ELF1: variants seen among roughly 807,000 people sequenced by gnomAD.
The protein encoded by ELF1 is E74 like ETS transcription factor 1.
A neutral mutation model predicts 59.9 loss-of-function variants in ELF1; 24 were observed. That is an observed-to-expected ratio of 0.40 (90% CI 0.29 to 0.56). The LOEUF (loss-of-function observed/expected upper bound fraction) is 0.56, where lower values mean the gene tolerates loss of function less well. Among genes scored for constraint, ELF1 ranks in the 20% least tolerant of loss-of-function variants. The probability of loss-of-function intolerance (pLI) is 0.44; values close to 1 mark genes in which losing one functional copy is unlikely to be tolerated. For synonymous variants in ELF1, 248 were observed against 266.2 expected, an observed-to-expected ratio of 0.93 and a Z score of 0.67; for missense variants, 627 against 742.2, an observed-to-expected ratio of 0.84 and a Z score of 1.80.
intron 2 of ELF1, among the ~76,000 whole-genome samples, chr13:40,967,263 A>G (rs1433702236): frequency 2.0e-5 from 3 of 152,226 alleles, no homozygotes; most frequent in Non-Finnish European, 4.4e-5. Context: ...CAGCAAATGC[A>G]CTACATACAC....
intron 8 of ELF1, among the ~76,000 whole-genome samples, chr13:40,936,204 A>C (rs1869760561): frequency 6.6e-6 from 1 of 152,180 alleles, no homozygotes; most frequent in Non-Finnish European, 1.5e-5. Flanking sequence ...TGCAGAGCCG[A>C]TGTGCCGCCT....
chr13:41,051,163 A>G (rs1456278666), intron 1 of ELF1, among the ~76,000 whole-genome samples: 1 of 152,168 alleles, frequency 6.6e-6, no homozygotes, highest in Non-Finnish European at 1.5e-5. Flanking sequence ...TTTTAAAAGT[A>G]GCACTTTAAG....
In ELF1 at chr13:41,055,133, C is replaced by T. The variant is rs141992977; in HGVS notation, c.-229+5705G>A. Among the ~76,000 whole-genome samples the T allele has an allele frequency of 5.2e-3, 797 of 152,212 alleles. 20 individuals carry two copies. The highest frequency in any genetic ancestry group is 1.7e-3 in the East Asian group (9 of 5,182). ...TACACTCCTGACAGTGGTCTGTGAG[C>T]GGGAGGAGGATATGTCCCCAGACAC... is the stretch of plus-strand genomic sequence containing the variant. On this transcript the variant is annotated intron_variant, in intron 1 of 1. Coordinates refer to the ELF1 transcript ENST00000405737.
intron 1 of ELF1, among the ~76,000 whole-genome samples, chr13:41,008,731 T>G (rs1210396926): frequency 1.3e-5 from 2 of 152,178 alleles, no homozygotes; most frequent in Non-Finnish European, 2.9e-5. Context: ...TCAAAGAATA[T>G]CCACAATTAT....
At chr13:40,942,393 G>T (rs531863170) in intron 7 of ELF1, among the ~76,000 whole-genome samples, 1 of 152,048 alleles carries the variant, frequency 6.6e-6, no homozygotes, top group Non-Finnish European at 1.5e-5. Context: ...ACCGAAAAAC[G>T]AACTAAAAGT....
chr13:41,041,294 C>T (rs1328369133), intron 1 of ELF1, among the ~76,000 whole-genome samples: 8 of 151,478 alleles, frequency 5.3e-5, no homozygotes, highest in Non-Finnish European at 1.0e-4. Flanking sequence ...TTACACCATC[C>T]GAACTGTATA....
intron 1 of ELF1, among the ~76,000 whole-genome samples, chr13:41,006,534 C>A (rs1874770027): frequency 6.6e-6 from 1 of 152,128 alleles, no homozygotes; most frequent in African/African-American, 2.4e-5. Context: ...ACACAGTTAA[C>A]GATGTGTAAC....
intron 2 of ELF1, among the ~76,000 whole-genome samples, chr13:40,967,889 T>G (rs566100265): frequency 1.1e-3 from 166 of 152,122 alleles, no homozygotes; most frequent in African/African-American, 3.9e-3. Flanking sequence ...CACCATGCCT[T>G]GTCCTTTTTG....
chr13:41,015,957 C>T (rs1269093758), intron 1 of ELF1, among the ~76,000 whole-genome samples: 2 of 152,108 alleles, frequency 1.3e-5, no homozygotes, highest in East Asian at 3.8e-4. Context: ...TCTCAAACAG[C>T]GTATATTCTT....
At chr13:41,051,202 TG>T (rs1468156190) in intron 1 of ELF1, among the ~76,000 whole-genome samples, 1 of 151,848 alleles carries the variant, frequency 6.6e-6, no homozygotes, top group South Asian at 2.1e-4. Context: ...TCATGTGAAA[TG>T]GCATAAAAAC....
chr13:40,952,914 A>G (rs954924105), intron 3 of ELF1, among the ~76,000 whole-genome samples: 3 of 151,946 alleles, frequency 2.0e-5, no homozygotes, highest in Non-Finnish European at 4.4e-5. Context: ...ATACTTTAGC[A>G]TGTGTATCTA....
chr13:40,932,324 A>C lies in ELF1; in HGVS notation c.*1101T>G. 6.8e-6 allele frequency: 1 copy of C among 147,498 alleles called. No individual in the cohort carries two copies. Among genetic ancestry groups the C allele is most frequent in the East Asian group, 2.0e-4 (1 of 4,882 alleles). The allele number at this position is 147,498 out of a possible 1,614,324, so 9.1% of individuals were successfully genotyped here. ...GATATATATGTTATCTTTGTATGCA[A>C]CCCCCCCCAAGTCCGCCCCCAGTAA... On this transcript the variant is annotated 3_prime_UTR_variant, in exon 9 of 9. Coordinates refer to ENST00000239882, the MANE Select transcript of ELF1 (RefSeq NM_172373.4).
chr13:41,020,531 G>T (rs1194425795), upstream of ELF1, among the ~76,000 whole-genome samples: 1 of 152,200 alleles, frequency 6.6e-6, no homozygotes, highest in Non-Finnish European at 1.5e-5. Context: ...AGCAATGATT[G>T]TGAACCAACT....
chr13:41,001,609 G>A (rs1022485064), intron 1 of ELF1, among the ~76,000 whole-genome samples: 1 of 152,164 alleles, frequency 6.6e-6, no homozygotes, highest in Non-Finnish European at 1.5e-5. Context: ...CTAAGTGCTG[G>A]GAATACAGCA....
In ELF1 at chr13:41,016,947, AATATATATATATAT is replaced by A. The variant is rs1276103107; in HGVS notation, c.-229+2267_-229+2280del. Among the ~76,000 whole-genome samples, 74 of 24,738 alleles carry A rather than the reference AATATATATATATAT, an allele frequency of 3.0e-3. 1 individual carries two copies. Among genetic ancestry groups the A allele is most frequent in the African/African-American group, 0.011 (62 of 5,454 alleles). The allele number at this position is 24,738 out of a possible 152,430, so 16.2% of individuals were successfully genotyped here. A position where few individuals can be genotyped will look rare whatever the true frequency, so the allele number is the denominator to read the frequency against. On this transcript the variant is annotated intron_variant, in intron 1 of 8. Coordinates refer to ENST00000239882, the MANE Select transcript of ELF1 (RefSeq NM_172373.4). ...AAAAAAAAAAAAAAAAAAAAAAAAAAATATATATATATATATATATATATATATATATATGAGCT... is the reference window on the plus strand; with the variant it reads ...AAAAAAAAAAAAAAAAAAAAAAAAAAATATATATATATATATATATGAGCT...
intron 2 of ELF1, among the ~76,000 whole-genome samples, chr13:40,968,578 G>A (rs1872327181): frequency 6.6e-6 from 1 of 152,068 alleles, no homozygotes; most frequent in African/African-American, 2.4e-5. Flanking sequence ...TTGTACAATA[G>A]ATTTCCAAAG....
rs541501805 is a variant in ELF1 at position 40,977,972 on chromosome 13, G to A, written c.72+4011C>T. Among the ~76,000 whole-genome samples the A allele has an allele frequency of 2.6e-5, 4 of 152,142 alleles. No individual in the cohort carries two copies. The South Asian group carries it at 8.3e-4, about 32-fold the overall frequency. On this transcript the variant is annotated intron_variant, in intron 2 of 8. Transcript: ENST00000239882. ...ATAAAACATTCAATAAATGGTGAAG[G>A]GCTAACACCACTATTTGTGGGAGTG...
At position 40,941,287 on chromosome 13, in the gene ELF1, A is replaced by G. The variant is rs1196588785; in HGVS notation, c.890T>C (p.Ile297Thr). The G allele has an allele frequency of 3.1e-6, 5 of 1,614,032 alleles. No individual in the cohort carries two copies. The Admixed American group carries it at 5.0e-5, about 16-fold the overall frequency. ...YQFKEMPKDL[I>T]YINDEDPSSS... ...ACTTGGATCCTCATCATTTATATAT[A>G]TAAGATCTTTTGGCATTTCTTTAAA... is the stretch of plus-strand genomic sequence containing the variant. Residue 297 changes from isoleucine to threonine, a missense_variant, in exon 8 of 9, where the codon ATA (isoleucine) becomes ACA (threonine). By Grantham distance (89) the Ile-to-Thr change is moderately conservative. This residue lies in a region of ELF1 where 361 missense variants were observed against 396.1 expected (regional missense o/e 0.91). Transcript: ENST00000239882.
At position 41,055,829 on chromosome 13, in the gene ELF1, A is replaced by C. The variant is rs9566678; in HGVS notation, c.-229+5009T>G. ...CCTCCTGAGGAGCTGGGACTACAGG[A>C]ACGCACCACCACACCAGCTAATTTT... is the stretch of plus-strand genomic sequence containing the variant. On this transcript the variant is annotated intron_variant, in intron 1 of 1. Transcript: ENST00000405737. Among the ~76,000 whole-genome samples the C allele has an allele frequency of 2.7e-3, 416 of 151,530 alleles. 8 individuals are homozygous for C. The East Asian group carries it at 0.05, about 18-fold the overall frequency.
Sources: allele counts gnomAD v4.1 joint callset (sites outside exome capture counted in the v4.1 genomes callset), GRCh38; gene constraint gnomAD v4.1.1; regional missense constraint gnomAD v4.1.1; transcripts MANE v1.5; gene names NCBI Gene and HGNC (gene_info 2026-07-23, HGNC 2026-07-21).